The following DNAH12 variants were observed in gnomAD, a reference collection of about 807,000 sequenced individuals.
DNAH12 encodes axonemal beta dynein heavy chain 12.
Under a neutral mutation model 371.5 loss-of-function variants are expected in DNAH12, and 285 were observed. That is an observed-to-expected ratio of 0.77 (90% CI 0.70 to 0.85). DNAH12 has a LOEUF of 0.85. DNAH12 is among the 40% of genes least tolerant of loss of function. The pLI is 0.00. For missense variants in DNAH12, 3,611 were observed against 3,689.4 expected, an observed-to-expected ratio of 0.98 and a Z score of 0.55; for synonymous variants, 1,200 against 1,213.0, an observed-to-expected ratio of 0.99 and a Z score of 0.22.
chr3:57,298,881 T>C (rs1442217881), intron 70 of DNAH12, among the ~76,000 whole-genome samples: 1 of 152,222 alleles, frequency 6.6e-6, no homozygotes, highest in Admixed American at 6.5e-5. Flanking sequence ...AGGACTTTTG[T>C]TGTGATTATC....
chr3:57,406,508 C>A (rs2064034113), intron 40 of DNAH12, among the ~76,000 whole-genome samples: 2 of 152,160 alleles, frequency 1.3e-5, no homozygotes, highest in Admixed American at 1.3e-4. Flanking sequence ...CATCCAAGCC[C>A]AGCCCATCCA....
chr3:57,376,748 A>C (rs1250976968), intron 53 of DNAH12, among the ~76,000 whole-genome samples: 6 of 152,170 alleles, frequency 3.9e-5, no homozygotes, highest in African/African-American at 1.4e-4. Context: ...GATTTAAAAA[A>C]TTGTTACCAT....
chr3:57,326,579 C>A (rs185657594), intron 62 of DNAH12, among the ~76,000 whole-genome samples: 2,706 of 152,282 alleles, frequency 0.018, 47 homozygotes, highest in Middle Eastern at 0.041. Flanking sequence ...TGGAAAGGAA[C>A]AACCAGTACC....
chr3:57,439,143 C>T (rs2065226264), intron 29 of DNAH12, among the ~76,000 whole-genome samples: 1 of 152,060 alleles, frequency 6.6e-6, no homozygotes, highest in Non-Finnish European at 1.5e-5. Context: ...ATGCAATCTA[C>T]GGATTCAATG....
intron 12 of DNAH12, among the ~76,000 whole-genome samples, chr3:57,487,354 A>C: frequency 1.4e-5 from 1 of 73,354 alleles, no homozygotes; most frequent in East Asian, 2.8e-4. Context: ...AGAGAGAGAG[A>C]GAAAGAAAGA....
intron 39 of DNAH12, among the ~76,000 whole-genome samples, chr3:57,412,953 T>C (rs552057291): frequency 1.4e-4 from 22 of 152,208 alleles, no homozygotes; most frequent in Admixed American, 1.2e-3. Flanking sequence ...CTCAAAGAAG[T>C]TGACAACTTA....
At chr3:57,437,170 GT>G in intron 29 of DNAH12, 110 bp from the exon 30 acceptor site, 1 of 705,656 alleles carries the variant, frequency 1.4e-6, no homozygotes. Context: ...TATCATCATT[GT>G]TTATTATTTC....
At chr3:57,521,019 G>A (rs1380610180) in intron 4 of DNAH12, among the ~76,000 whole-genome samples, 13 of 124,554 alleles carry the variant, frequency 1.0e-4, no homozygotes, top group African/African-American at 2.7e-4. Flanking sequence ...AGCCGAGATC[G>A]CGCCATTGCA....
At chr3:57,375,611 T>G (rs960281873) in intron 54 of DNAH12, 95 bp from the exon 55 acceptor site, 8 of 152,132 alleles carry the variant, frequency 5.3e-5, no homozygotes, top group Non-Finnish European at 8.8e-5. Flanking sequence ...TAGGCATTAT[T>G]TAATAACTCT....
chr3:57,423,027 A>G (rs1036321701), intron 35 of DNAH12, among the ~76,000 whole-genome samples: 2 of 152,164 alleles, frequency 1.3e-5, no homozygotes, highest in Non-Finnish European at 2.9e-5. Flanking sequence ...AATTCTATAT[A>G]GGGCACCGGC....
At chr3:57,324,851 T>C (rs186291209) in intron 62 of DNAH12, among the ~76,000 whole-genome samples, 5 of 152,198 alleles carry the variant, frequency 3.3e-5, no homozygotes, top group East Asian at 1.9e-4. Context: ...ACCTGGAAAA[T>C]TGGGTCACTC....
rs1314332449 is a variant in DNAH12 at position 57,431,120 on chromosome 3, C to T, written c.4981-1346G>A. Among the ~76,000 whole-genome samples, 3 of 152,118 alleles carry T rather than the reference C, an allele frequency of 2.0e-5. No individual in the cohort carries two copies. In the South Asian group the frequency reaches 6.2e-4, roughly 32 times the overall value. On this transcript the variant is annotated intron_variant, in intron 32 of 73. Transcript: ENST00000495027. Reference sequence around the variant, plus strand: ...TGACCAGATTATTTCAGCAAACATCCTCCTAACTCTGCACAAATTTGAAAG... The same window carrying T: ...TGACCAGATTATTTCAGCAAACATCTTCCTAACTCTGCACAAATTTGAAAG...
At chr3:57,331,855 C>A (rs2062105473) in intron 62 of DNAH12, among the ~76,000 whole-genome samples, 1 of 152,122 alleles carries the variant, frequency 6.6e-6, no homozygotes, top group Non-Finnish European at 1.5e-5. Context: ...GTCCCCTACC[C>A]TCTACATCTG....
At chr3:57,517,802 T>C (rs1385877939) in intron 4 of DNAH12, among the ~76,000 whole-genome samples, 1 of 152,086 alleles carries the variant, frequency 6.6e-6, no homozygotes, top group Admixed American at 6.6e-5. Flanking sequence ...ATCCCAGCAC[T>C]TTGCGAGGTA....
At chr3:57,393,725 A>G (rs1036928244) in intron 44 of DNAH12, among the ~76,000 whole-genome samples, 23 of 151,854 alleles carry the variant, frequency 1.5e-4, no homozygotes, top group African/African-American at 5.6e-4. Flanking sequence ...TCACCATTGT[A>G]TTTTTTGTCA....
intron 17 of DNAH12, among the ~76,000 whole-genome samples, chr3:57,465,914 G>A (rs1256528842): frequency 6.6e-6 from 1 of 152,060 alleles, no homozygotes; most frequent in Non-Finnish European, 1.5e-5. Context: ...TAGTAGAGTA[G>A]CAAAAACCTA....
intron 29 of DNAH12, among the ~76,000 whole-genome samples, chr3:57,443,625 T>A (rs764747242): frequency 6.6e-6 from 1 of 152,138 alleles, no homozygotes; most frequent in Admixed American, 6.5e-5. Context: ...ATATACATTA[T>A]ATAATGATTA....
Position 57,483,431 on chromosome 3 carries a change from G to A in DNAH12, c.1595C>T (p.Ser532Phe), listed in dbSNP as rs1456703190. The A allele has an allele frequency of 6.4e-7, 1 of 1,551,278 alleles. No homozygotes were observed. The highest frequency in any genetic ancestry group is 1.2e-5 in the South Asian group (1 of 83,940). ...ETTEEMMDLI[S>F]YVEKARTVGI... Reference sequence around the variant, plus strand: ...TACAGTCCGGGCTTTTTCTACATAAGATATCAGATCCATCATCTCTTCTGT... The same window carrying A: ...TACAGTCCGGGCTTTTTCTACATAAAATATCAGATCCATCATCTCTTCTGT... Residue 532 changes from serine (S) to phenylalanine (F), a missense_variant, in exon 13 of 74, where the codon TCT becomes TTT. Around this residue, in one of 3 missense-constraint regions of DNAH12, gnomAD observed 1,314 missense variants for 1,398.7 expected, o/e 0.94. Transcript: ENST00000495027.
At position 57,390,424 on chromosome 3, in the gene DNAH12, AAT is replaced by A. The variant is rs1159621191; in HGVS notation, c.7305+1446_7305+1447del. On this transcript the variant is annotated intron_variant, in intron 45 of 73. Coordinates refer to ENST00000495027, the MANE Select transcript of DNAH12 (RefSeq NM_001366028.2). ...ATCCTGTCTCAAAAAAAAAAAAAAAAATATATATATATATATATATATATATA... is the reference window on the plus strand; with the variant it reads ...ATCCTGTCTCAAAAAAAAAAAAAAAAATATATATATATATATATATATATA... Among the ~76,000 whole-genome samples, 153 of 33,432 alleles carry A rather than the reference AAT, an allele frequency of 4.6e-3. 14 individuals are homozygous for A. The highest frequency in any genetic ancestry group is 0.062 in the East Asian group (1 of 16). The allele number at this position is 33,432 out of a possible 152,430, so 21.9% of individuals were successfully genotyped here. A position where few individuals can be genotyped will look rare whatever the true frequency, so the allele number is the denominator to read the frequency against.
Sources: gnomAD v4.1 joint callset for allele counts (sites outside exome capture counted in the v4.1 genomes callset) on GRCh38, gnomAD v4.1.1 for gene constraint, gnomAD v4.1.1 regional missense constraint, MANE v1.5 for transcripts, NCBI Gene and HGNC (gene_info 2026-07-23, HGNC 2026-07-21) for gene names.